Variants in RGS8 observed in about 807,000 individuals in gnomAD.
RGS8 encodes the protein regulator of G-protein signaling 8.
Under a neutral mutation model 21.7 loss-of-function variants are expected in RGS8, and 8 were observed. The observed-to-expected ratio is 0.37, with a 90% CI of 0.22 to 0.66. RGS8 has a LOEUF of 0.66. Ranked by LOEUF, RGS8 falls within the 30% of genes least tolerant of loss-of-function variation. The pLI is 0.59. For missense variants in RGS8, 157 were observed against 217.9 expected, an observed-to-expected ratio of 0.72 and a Z score of 1.76; for synonymous variants, 80 against 83.6, an observed-to-expected ratio of 0.96 and a Z score of 0.24.
chr1:182,708,724 T>G, the RGS8 span, among the ~76,000 whole-genome samples: 27 of 152,204 alleles, frequency 1.8e-4, no homozygotes, highest in African/African-American at 6.3e-4. Context: ...GTTTGCGGAG[T>G]AAGTTTGGGC....
chr1:182,646,651 A>G (rs1662714216), exon 7 of RGS8: 5 of 1,301,052 alleles, frequency 3.8e-6, no homozygotes, highest in Non-Finnish European at 5.3e-6. Context: ...GCTTTTGAAC[A>G]CCTATGACAT....
chr1:182,739,626 C>T, the RGS8 span, among the ~76,000 whole-genome samples: 624 of 152,248 alleles, frequency 4.1e-3, 3 homozygotes, highest in African/African-American at 0.015. Context: ...TTTCAGGCCT[C>T]CCCCTGTCCC....
rs142710653 is a variant in RGS8, at chr1:182,667,069, G to A, written c.27-96C>T. On this transcript the variant is annotated intron_variant, in intron 3 of 6. Transcript: ENST00000483095. ...CCTGGAGCTGCTGCTACGGGAGCCAGCACTGCCCCCACCCTTCCCCAGGTG... is the reference window on the plus strand; with the variant it reads ...CCTGGAGCTGCTGCTACGGGAGCCAACACTGCCCCCACCCTTCCCCAGGTG... The A allele has an allele frequency of 3.1e-6, 3 of 963,248 alleles. No individual in the cohort carries two copies. The East Asian group carries it at 7.3e-5, about 23-fold the overall frequency. 59.7% of individuals were successfully genotyped at this position (963,248 alleles called of 1,614,324 possible). A position where few individuals can be genotyped will look rare whatever the true frequency, so the allele number is the denominator to read the frequency against.
chr1:182,673,545 T>G (rs1402643846), upstream of RGS8, among the ~76,000 whole-genome samples: 2 of 152,206 alleles, frequency 1.3e-5, no homozygotes, highest in Non-Finnish European at 2.9e-5. Flanking sequence ...CTACTCATTG[T>G]CTGTTGATAA....
the RGS8 span, among the ~76,000 whole-genome samples, chr1:182,693,185 C>A: frequency 7.9e-4 from 120 of 152,120 alleles, no homozygotes; most frequent in African/African-American, 2.9e-3. Flanking sequence ...GATAAACAGA[C>A]AACATAAAGA....
At chr1:182,666,228 A>C (rs1045540035) in intron 4 of RGS8, among the ~76,000 whole-genome samples, 195 bp from the exon 6 acceptor site, 4 of 152,232 alleles carry the variant, frequency 2.6e-5, no homozygotes, top group Admixed American at 1.3e-4. Flanking sequence ...ATGAAAAAAA[A>C]CCTCAAGACT....
rs1664631730 is a variant in RGS8 at position 182,684,151 on chromosome 1, G to T, written n.221+205C>A. ...AGCACCTGCTAACTGGGAAGAACAG[G>T]CATATTTCTACACCCTTGCTCCTGG... On this transcript the variant is annotated intron_variant and non_coding_transcript_variant, in intron 1 of 4. Coordinates refer to the RGS8 transcript ENST00000515211. This position sits in a 1 kb window ranked among gnomAD's most constrained non-coding sequence, Gnocchi z 4.2. 6.6e-6 allele frequency among the ~76,000 whole-genome samples: 1 copy of T among 152,208 alleles called. No homozygotes were observed. The highest frequency in any genetic ancestry group is 6.5e-5 in the Admixed American group (1 of 15,288).
At chr1:182,744,054 T>C in the RGS8 span, among the ~76,000 whole-genome samples, 1 of 152,238 alleles carries the variant, frequency 6.6e-6, no homozygotes, top group African/African-American at 2.4e-5. Context: ...CAACATCGTA[T>C]TTCCAGTCCC....
Position 182,666,869 on chromosome 1 carries a change from C to T in RGS8, c.128+3G>A, listed in dbSNP as rs1445373330. ...GGGAATGGCACGTGGCCGTACTACT[C>T]ACTTGAGAGCGCGGTTGGGTTTGTC... is the stretch of plus-strand genomic sequence containing the variant. On this transcript the variant is annotated splice_donor_region_variant and intron_variant, in intron 4 of 6. Transcript: ENST00000483095. The T allele has an allele frequency of 6.2e-7, 1 of 1,611,882 alleles. No individual in the cohort carries two copies. Among genetic ancestry groups the T allele is most frequent in the African/African-American group, 1.3e-5 (1 of 74,882 alleles).
the RGS8 span, among the ~76,000 whole-genome samples, chr1:182,710,236 CAAATG>C: frequency 1.3e-5 from 2 of 152,178 alleles, no homozygotes; most frequent in African/African-American, 2.4e-5. Context: ...CTCTCCTTAT[CAAATG>C]AACAAAGTGC....
At chr1:182,728,068 GA>G in the RGS8 span, among the ~76,000 whole-genome samples, 1 of 152,022 alleles carries the variant, frequency 6.6e-6, no homozygotes, top group African/African-American at 2.4e-5. Flanking sequence ...TCATTTTACA[GA>G]AATTGTTACA....
chr1:182,749,285 G>C, the RGS8 span, among the ~76,000 whole-genome samples: 1 of 152,174 alleles, frequency 6.6e-6, no homozygotes, highest in Admixed American at 6.6e-5. Context: ...AGAGAGGAAG[G>C]TCTAATTTTT....
intron 5 of RGS8, among the ~76,000 whole-genome samples, chr1:182,656,678 A>C (rs1663295511): frequency 6.6e-6 from 1 of 152,308 alleles, no homozygotes; most frequent in South Asian, 2.1e-4. Flanking sequence ...GAGGAAAACC[A>C]AAAGAAACTT....
chr1:182,654,598 A>G (rs1284393660), intron 5 of RGS8, among the ~76,000 whole-genome samples: 1 of 152,338 alleles, frequency 6.6e-6, no homozygotes, highest in Middle Eastern at 3.4e-3. Flanking sequence ...ATTAAGTGAT[A>G]ATTTAAAATA....
At chr1:182,750,972 T>C in the RGS8 span, among the ~76,000 whole-genome samples, 1 of 152,222 alleles carries the variant, frequency 6.6e-6, no homozygotes, top group East Asian at 1.9e-4. Flanking sequence ...AAAGCAAAGT[T>C]TCCTGGAGAG....
At chr1:182,648,211 T>G (rs778909080) in exon 6 of RGS8, 1 of 1,613,846 alleles carries the variant, frequency 6.2e-7, no homozygotes, top group Admixed American at 1.7e-5. Context: ...GCAGTTGACC[T>G]GGTCTTCTTG....
At chr1:182,674,395 T>C (rs1330080135), upstream of RGS8, among the ~76,000 whole-genome samples, 1 of 151,930 alleles carries the variant, frequency 6.6e-6, no homozygotes, top group Non-Finnish European at 1.5e-5. Flanking sequence ...AACAGGAATA[T>C]AAAGAGCAGA....
the RGS8 span, among the ~76,000 whole-genome samples, chr1:182,720,998 TGTATATATAC>T: frequency 9.7e-6 from 1 of 103,224 alleles, no homozygotes; most frequent in Non-Finnish European, 2.0e-5. Flanking sequence ...TATATATGTG[TGTATATATAC>T]ATATATACAC....
chr1:182,683,372 C>T (rs1664602208), intron 1 of RGS8, among the ~76,000 whole-genome samples: 1 of 152,196 alleles, frequency 6.6e-6, no homozygotes, highest in Admixed American at 6.5e-5. Flanking sequence ...ATCTCACTCC[C>T]ACTTGCCAGC....
Sources: gnomAD v4.1 joint callset for allele counts (sites outside exome capture counted in the v4.1 genomes callset) on GRCh38, gnomAD v4.1.1 for gene constraint, Gnocchi (gnomAD v3.1) non-coding constraint, MANE v1.5 for transcripts, NCBI Gene and HGNC (gene_info 2026-07-23, HGNC 2026-07-21) for gene names.